Variants in ATP8A1 observed in about 807,000 individuals in gnomAD.
The protein encoded by ATP8A1 is phospholipid-transporting ATPase IA.
Under a neutral mutation model 177.7 loss-of-function variants are expected in ATP8A1, and 90 were observed. The ratio of observed to expected loss-of-function variants is 0.51; its 90% CI spans 0.43 to 0.60. The LOEUF is 0.60. Among genes scored for constraint, ATP8A1 ranks in the 20% least tolerant of loss-of-function variants. The pLI, the probability that ATP8A1 is intolerant of heterozygous loss-of-function variation, is 0.00. For synonymous variants in ATP8A1, 493 were observed against 485.9 expected, an observed-to-expected ratio of 1.01 and a Z score of -0.19; for missense variants, 1,072 against 1,392.8, an observed-to-expected ratio of 0.77 and a Z score of 3.67.
chr4:42,458,716 G>A (rs1718753851), intron 27 of ATP8A1, among the ~76,000 whole-genome samples: 1 of 152,236 alleles, frequency 6.6e-6, no homozygotes, highest in Non-Finnish European at 1.5e-5. Context: ...AACACATAGT[G>A]TTCAAGACTA....
At chr4:42,501,215 T>C (rs1470603158) in intron 24 of ATP8A1, among the ~76,000 whole-genome samples, 5 of 152,250 alleles carry the variant, frequency 3.3e-5, no homozygotes, top group Admixed American at 6.5e-5. Flanking sequence ...TATTTTCTTA[T>C]AACAAAAATG....
intron 9 of ATP8A1, among the ~76,000 whole-genome samples, chr4:42,582,857 G>C (rs1435743210): frequency 6.6e-6 from 1 of 151,954 alleles, no homozygotes; most frequent in Non-Finnish European, 1.5e-5. Context: ...ACTCACACAG[G>C]GACATAAGAA....
intron 9 of ATP8A1, among the ~76,000 whole-genome samples, chr4:42,583,009 T>A (rs886202218): frequency 2.0e-5 from 3 of 152,174 alleles, no homozygotes; most frequent in Admixed American, 6.5e-5. Context: ...TTAAAAATTC[T>A]GGAAAAAGAA....
chr4:42,544,793 G>A (rs1049296861), intron 19 of ATP8A1, among the ~76,000 whole-genome samples: 1 of 152,158 alleles, frequency 6.6e-6, no homozygotes. Context: ...ACTGAGATGA[G>A]TTCAATATGC....
At chr4:42,564,262 C>A (rs943628138) in intron 15 of ATP8A1, among the ~76,000 whole-genome samples, 10 of 152,288 alleles carry the variant, frequency 6.6e-5, no homozygotes, top group African/African-American at 2.2e-4. Flanking sequence ...GAGCCCCCCC[C>A]AACAGAGTCC....
chr4:42,470,476 A>G (rs1461803254), intron 25 of ATP8A1, among the ~76,000 whole-genome samples: 2 of 152,172 alleles, frequency 1.3e-5, no homozygotes, highest in African/African-American at 2.4e-5. Flanking sequence ...GTACATATAT[A>G]TAATAGATGT....
chr4:42,618,012 T>G (rs1375334160), intron 4 of ATP8A1, among the ~76,000 whole-genome samples: 2 of 152,168 alleles, frequency 1.3e-5, no homozygotes, highest in Non-Finnish European at 2.9e-5. Context: ...ACCTCAACTG[T>G]GTCATAATCC....
chr4:42,627,907 G>A (rs1168217157), intron 1 of ATP8A1, among the ~76,000 whole-genome samples: 1 of 152,098 alleles, frequency 6.6e-6, no homozygotes, highest in Non-Finnish European at 1.5e-5. Context: ...CATAAGACCT[G>A]CTGACATGTG....
chr4:42,646,862 T>A (rs1351738111), intron 1 of ATP8A1, among the ~76,000 whole-genome samples: 5 of 152,184 alleles, frequency 3.3e-5, no homozygotes, highest in African/African-American at 1.2e-4. Flanking sequence ...GAGGTCTAAT[T>A]AATCCATGAA....
chr4:42,634,086 A>G (rs60904874), intron 1 of ATP8A1, among the ~76,000 whole-genome samples: 1 of 152,220 alleles, frequency 6.6e-6, no homozygotes, highest in Admixed American at 6.5e-5. Context: ...TTAAGTAGAA[A>G]GACCATTTCG....
chr4:42,617,997 C>T (rs1158024982), intron 4 of ATP8A1, among the ~76,000 whole-genome samples: 1 of 152,188 alleles, frequency 6.6e-6, no homozygotes, highest in Non-Finnish European at 1.5e-5. Context: ...TCTCTGAGTT[C>T]AAATACCTCA....
chr4:42,507,205 A>G, intron 22 of ATP8A1, 51 bp from the exon 23 acceptor site: 1 of 1,578,384 alleles, frequency 6.3e-7, no homozygotes, highest in Non-Finnish European at 8.6e-7. Context: ...CATATTCTTT[A>G]AAAACAAAAA....
chr4:42,508,196 C>T (rs1377604857), intron 22 of ATP8A1, among the ~76,000 whole-genome samples: 1 of 152,058 alleles, frequency 6.6e-6, no homozygotes, highest in Non-Finnish European at 1.5e-5. Flanking sequence ...ACAGTGGTGC[C>T]ATCTTGGCTC....
At chr4:42,435,376 AGAT>A (rs1458955752) in intron 33 of ATP8A1, among the ~76,000 whole-genome samples, 1 of 147,798 alleles carries the variant, frequency 6.8e-6, no homozygotes, top group East Asian at 2.1e-4. Context: ...CAGTGAGCTG[AGAT>A]CACGCCATTG....
intron 5 of ATP8A1, among the ~76,000 whole-genome samples, chr4:42,609,555 CACG>C (rs1210162606): frequency 6.6e-6 from 1 of 152,104 alleles, no homozygotes; most frequent in Non-Finnish European, 1.5e-5. Context: ...TTCAGAGCTC[CACG>C]ACTACTCTCT....
chr4:42,414,114 A>G (rs977200889), intron 36 of ATP8A1, among the ~76,000 whole-genome samples: 1 of 152,238 alleles, frequency 6.6e-6, no homozygotes, highest in Non-Finnish European at 1.5e-5. Flanking sequence ...AACAAAAGAT[A>G]TATTACTCAC....
intron 27 of ATP8A1, among the ~76,000 whole-genome samples, chr4:42,462,391 G>A (rs921079792): frequency 5.9e-5 from 9 of 152,200 alleles, no homozygotes; most frequent in South Asian, 4.1e-4. Flanking sequence ...CATCCCAGTT[G>A]CTCCAGACAT....
intron 35 of ATP8A1, among the ~76,000 whole-genome samples, chr4:42,421,483 T>C (rs1713919716): frequency 6.6e-6 from 1 of 151,976 alleles, no homozygotes; most frequent in African/African-American, 2.4e-5. Flanking sequence ...TGGAAAAAAA[T>C]GGAGATGATG....
At chr4:42,570,340 AG>A (rs1731776772) in intron 14 of ATP8A1, among the ~76,000 whole-genome samples, 2 of 152,228 alleles carry the variant, frequency 1.3e-5, no homozygotes, top group South Asian at 4.1e-4. Context: ...CTCCAAGAAA[AG>A]GAGTTGGCAT....
Sources: gnomAD v4.1 joint callset for allele counts (sites outside exome capture counted in the v4.1 genomes callset) on GRCh38, gnomAD v4.1.1 for gene constraint, MANE v1.5 for transcripts, NCBI Gene and HGNC (gene_info 2026-07-23, HGNC 2026-07-21) for gene names.